BCKDK: variants seen among roughly 807,000 people sequenced by gnomAD.
BCKDK encodes branched chain keto acid dehydrogenase kinase.
A neutral mutation model predicts 43.9 loss-of-function variants in BCKDK; 28 were observed. That is an observed-to-expected ratio of 0.64 (90% CI 0.47 to 0.87). The LOEUF is 0.87. Ranked by LOEUF, BCKDK falls within the 40% of genes least tolerant of loss-of-function variation. BCKDK has a pLI of 0.00. For synonymous variants in BCKDK, 257 were observed against 234.3 expected (o/e 1.10, Z -0.88); for missense variants, 483 against 581.4 (o/e 0.83, Z 1.74).
chr16:31,113,340 G>C (rs931778045), downstream of BCKDK, among the ~76,000 whole-genome samples: 1 of 152,212 alleles, frequency 6.6e-6, no homozygotes, highest in African/African-American at 2.4e-5. Context: ...AATGGCAGGG[G>C]CTAGGAAACC....
Position 31,109,577 on chromosome 16 carries a change from C to G in BCKDK, c.262C>G (p.Leu88Val), listed in dbSNP as rs141938310. Residue 88 changes from leucine to valine, a missense_variant and splice_region_variant, in exon 3 of 12, where the codon CTG (leucine) becomes GTG (valine). Physicochemically the swap from Leu to Val is conservative, Grantham distance 32 (BLOSUM62 1). Coordinates refer to ENST00000219794, the MANE Select transcript of BCKDK (RefSeq NM_005881.4). This position sits in a 1 kb window ranked among gnomAD's most constrained non-coding sequence, Gnocchi z 5.3. ...CCGCTCTCAGGACGGCAGCCACCTT[C>G]TGGTAAGATTCACGCCCTCTATTTT... ...AGRSQDGSHL[L>V]KSARYLQQEL... The G allele has an allele frequency of 1.9e-6, 3 of 1,614,018 alleles. No individual in the cohort carries two copies. The East Asian group carries it at 6.7e-5, about 36-fold the overall frequency.
At position 31,110,063 on chromosome 16, in the gene BCKDK, C is replaced by T. The variant is rs1261395394; in HGVS notation, c.376-14C>T. Reference sequence around the variant, plus strand: ...CCATGCGGCTTTGTGAATTCCCACACCTCTTCCTTGCAGCATGAGCTATAT... The same window carrying T: ...CCATGCGGCTTTGTGAATTCCCACATCTCTTCCTTGCAGCATGAGCTATAT... On this transcript the variant is annotated splice_polypyrimidine_tract_variant and intron_variant, in intron 4 of 11. Coordinates refer to ENST00000219794, the MANE Select transcript of BCKDK (RefSeq NM_005881.4). This position sits in a 1 kb window ranked among gnomAD's most constrained non-coding sequence, Gnocchi z 5.4. 1 of 1,614,162 alleles carries T rather than the reference C, an allele frequency of 6.2e-7. No individual in the cohort carries two copies. The highest frequency in any genetic ancestry group is 8.5e-7 in the Non-Finnish European group (1 of 1,180,032).
At chr16:31,116,114 C>T (rs925208600), downstream of BCKDK, among the ~76,000 whole-genome samples, 9 of 149,684 alleles carry the variant, frequency 6.0e-5, no homozygotes, top group African/African-American at 2.2e-4. Flanking sequence ...GACGGAGTTT[C>T]ATCGTGTTAG....
In BCKDK at chr16:31,108,717, C is replaced by G. The variant is rs1015334617; in HGVS notation, c.-178+238C>G. The G allele has an allele frequency of 3.9e-5, 6 of 152,292 alleles. No individual in the cohort carries two copies. The highest frequency in any genetic ancestry group is 1.4e-4 in the African/African-American group (6 of 41,450). The allele number at this position is 152,292 out of a possible 1,614,324, so 9.4% of individuals were successfully genotyped here. A position where few individuals can be genotyped will look rare whatever the true frequency, so the allele number is the denominator to read the frequency against. ...GTTCGCTGGCCGCGCTCCCAGGGCC[C>G]GGGTTTGAAGGCGCTGGGCAGGCAG... On this transcript the variant is annotated intron_variant, in intron 1 of 11. Transcript: ENST00000219794. This position sits in a 1 kb window ranked among gnomAD's most constrained non-coding sequence, Gnocchi z 6.2.
chr16:31,115,222 C>CTTT (rs56055700), downstream of BCKDK, among the ~76,000 whole-genome samples: 1 of 129,016 alleles, frequency 7.8e-6, no homozygotes, highest in Admixed American at 8.1e-5. Flanking sequence ...CGCGCCCAGT[C>CTTT]TTTTTTTTTT....
chr16:31,112,191 C>T lies in BCKDK; in HGVS notation c.1165C>T (p.Leu389=), dbSNP rs543643875. ...CGGTGGGTCTCTGCAGCTGCAGTCCCTGCAGGGCATTGGCACGGACGTCTA... is the reference window on the plus strand; with the variant it reads ...CGGTGGGTCTCTGCAGCTGCAGTCCTTGCAGGGCATTGGCACGGACGTCTA... ...YLGGSLQLQS[L]QGIGTDVYLR... Residue 389 remains leucine (L), a synonymous_variant, in exon 12 of 12, where the codon CTG becomes TTG. Transcript: ENST00000219794. The surrounding 1 kb of genome is among the most constrained non-coding windows in gnomAD (Gnocchi z 5.0). The T allele has an allele frequency of 5.0e-6, 8 of 1,613,120 alleles. No individual in the cohort carries two copies. Among genetic ancestry groups the T allele is most frequent in the Middle Eastern group, 1.6e-4 (1 of 6,062 alleles).
chr16:31,109,819 C>T lies in BCKDK; in HGVS notation c.375+36C>T. On this transcript the variant is annotated intron_variant, in intron 4 of 11. Coordinates refer to ENST00000219794, the MANE Select transcript of BCKDK (RefSeq NM_005881.4). This position sits in a 1 kb window ranked among gnomAD's most constrained non-coding sequence, Gnocchi z 5.3. The stretch of plus-strand genomic sequence containing the variant: ...GAGGACCTTAGGTCAGCGGGCCACC[C>T]TGCCCCGGGGGCAAGTGGGGAGTCT... The T allele has an allele frequency of 1.2e-6, 2 of 1,601,080 alleles. No individual in the cohort carries two copies. The highest frequency in any genetic ancestry group is 1.7e-6 in the Non-Finnish European group (2 of 1,169,040).
In BCKDK at chr16:31,110,131, G is replaced by A. The variant is rs2143940264; in HGVS notation, c.423+7G>A. 1.9e-6 allele frequency: 3 copies of A among 1,614,214 alleles called. No homozygotes were observed. Among genetic ancestry groups the A allele is most frequent in the Non-Finnish European group, 1.7e-6 (2 of 1,180,030 alleles). ...GCTGACAGACTTCCCTCCGGTGAGT[G>A]CTGGGCCAGAGCAGGGTGAGGGGCT... On this transcript the variant is annotated splice_region_variant and intron_variant, in intron 5 of 11. Coordinates refer to ENST00000219794, the MANE Select transcript of BCKDK (RefSeq NM_005881.4). This position sits in a 1 kb window ranked among gnomAD's most constrained non-coding sequence, Gnocchi z 5.4.
rs1329545341 is a variant in BCKDK, at chr16:31,110,670, C to T, written c.643-18C>T. 6 of 1,613,840 alleles carry T rather than the reference C, an allele frequency of 3.7e-6. No homozygotes were observed. In the Admixed American group the frequency reaches 5.0e-5, roughly 13 times the overall value. On this transcript the variant is annotated intron_variant, in intron 7 of 11. Transcript: ENST00000219794. This position sits in a 1 kb window ranked among gnomAD's most constrained non-coding sequence, Gnocchi z 5.4. Reference sequence around the variant, plus strand: ...GGGCTAGGGGCGTGGGTAGTCCTGACCTCCTTTCTCCGGCCAGCCTGACTT... The same window carrying T: ...GGGCTAGGGGCGTGGGTAGTCCTGATCTCCTTTCTCCGGCCAGCCTGACTT...
Position 31,109,655 on chromosome 16 carries a change from C to A in BCKDK, c.265-18C>A. 2 of 1,613,956 alleles carry A rather than the reference C, an allele frequency of 1.2e-6. No homozygotes were observed. Among genetic ancestry groups the A allele is most frequent in the South Asian group, 2.2e-5 (2 of 91,090 alleles). On this transcript the variant is annotated intron_variant, in intron 3 of 11. Coordinates refer to ENST00000219794, the MANE Select transcript of BCKDK (RefSeq NM_005881.4). The surrounding 1 kb of genome is among the most constrained non-coding windows in gnomAD (Gnocchi z 5.3). ...CACTCAGGCTCCAGCCCCGCCTTCC[C>A]TTCTCATTTTCTCCCAGAAAAGTGC...
Position 31,111,852 on chromosome 16 carries a change from T to G in BCKDK, c.936-17T>G. ...ATCAAAGCTGAGCCAAGCCCATTGTTGTTGCCATCTTGCTAGGATCTCAGA... is the reference window on the plus strand; with the variant it reads ...ATCAAAGCTGAGCCAAGCCCATTGTGGTTGCCATCTTGCTAGGATCTCAGA... On this transcript the variant is annotated splice_polypyrimidine_tract_variant and intron_variant, in intron 10 of 11. Coordinates refer to ENST00000219794, the MANE Select transcript of BCKDK (RefSeq NM_005881.4). The G allele has an allele frequency of 6.2e-7, 1 of 1,613,838 alleles. No individual in the cohort carries two copies. The highest frequency in any genetic ancestry group is 1.3e-5 in the African/African-American group (1 of 75,030).
chr16:31,111,747 G>T (rs989629280), intron 10 of BCKDK, 122 bp from the exon 11 acceptor site: 426 of 1,348,902 alleles, frequency 3.2e-4, no homozygotes, highest in Middle Eastern at 1.9e-3. Flanking sequence ...AAGGGTCTAG[G>T]TGGACCACAT....
Position 31,109,138 on chromosome 16 carries a change from C to A in BCKDK, c.-86C>A. 1 of 1,279,410 alleles carries A rather than the reference C, an allele frequency of 7.8e-7. No homozygotes were observed. Among genetic ancestry groups the A allele is most frequent in the Non-Finnish European group, 1.0e-6 (1 of 967,936 alleles). 79.3% of individuals were successfully genotyped at this position (1,279,410 alleles called of 1,614,324 possible). A position where few individuals can be genotyped will look rare whatever the true frequency, so the allele number is the denominator to read the frequency against. On this transcript the variant is annotated 5_prime_UTR_variant, in exon 2 of 12. Coordinates refer to ENST00000219794, the MANE Select transcript of BCKDK (RefSeq NM_005881.4). This position sits in a 1 kb window ranked among gnomAD's most constrained non-coding sequence, Gnocchi z 5.3. ...AGAAGAGCCCCTACCCACCCACACC[C>A]CCTTGCCCCATTTTGGGTCGCCTGG...
Position 31,110,486 on chromosome 16 carries a change from T to C in BCKDK, c.629T>C (p.Leu210Pro), listed in dbSNP as rs1471518138. The C allele has an allele frequency of 6.2e-7, 1 of 1,613,760 alleles. No individual in the cohort carries two copies. The highest frequency in any genetic ancestry group is 2.2e-5 in the East Asian group (1 of 44,880). ...IRMLATHHLALHEDKPDFVGI... is the reference protein window; with the variant it reads ...IRMLATHHLAPHEDKPDFVGI... ...ATGTTGGCCACGCATCACCTGGCGC[T>C]GCATGAGGACAAGGTGGGGCTCTGG... The change falls in exon 7 of 12, where the codon CTG becomes CCG. Residue 210 changes from leucine to proline, a missense_variant. Coordinates refer to ENST00000219794, the MANE Select transcript of BCKDK (RefSeq NM_005881.4). The surrounding 1 kb of genome is among the most constrained non-coding windows in gnomAD (Gnocchi z 5.4).
In BCKDK at chr16:31,110,392, T is replaced by C. The variant is rs777877602; in HGVS notation, c.544-9T>C. 6.2e-7 allele frequency: 1 copy of C among 1,613,984 alleles called. No homozygotes were observed. Among genetic ancestry groups the C allele is most frequent in the Admixed American group, 1.7e-5 (1 of 60,004 alleles). On this transcript the variant is annotated splice_polypyrimidine_tract_variant and intron_variant, in intron 6 of 11. Transcript: ENST00000219794. The surrounding 1 kb of genome is among the most constrained non-coding windows in gnomAD (Gnocchi z 5.4). ...AGGGCACGGGATTCTGAGACCTCAC[T>C]CTTTACAGGATGAAAAGCTCGTCCG...
Position 31,109,960 on chromosome 16 carries a change from G to GT in BCKDK, c.376-117_376-116insT. 6 of 1,475,214 alleles carry GT rather than the reference G, an allele frequency of 4.1e-6. No homozygotes were observed. The highest frequency in any genetic ancestry group is 5.7e-6 in the Non-Finnish European group (6 of 1,056,698). 91.4% of individuals were successfully genotyped at this position (1,475,214 alleles called of 1,614,324 possible). A position where few individuals can be genotyped will look rare whatever the true frequency, so the allele number is the denominator to read the frequency against. On this transcript the variant is annotated intron_variant, in intron 4 of 11. Coordinates refer to ENST00000219794, the MANE Select transcript of BCKDK (RefSeq NM_005881.4). The surrounding 1 kb of genome is among the most constrained non-coding windows in gnomAD (Gnocchi z 5.3). ...TCACGGAGCCTGGAAGGGTCGAAGT[G>GT]GGGGTTTGATCACGTGGTCGACCAG...
Position 31,110,678 on chromosome 16 carries a change from C to A in BCKDK, c.643-10C>A. The A allele has an allele frequency of 1.2e-6, 2 of 1,614,044 alleles. No homozygotes were observed. The highest frequency in any genetic ancestry group is 1.7e-6 in the Non-Finnish European group (2 of 1,179,950). The stretch of plus-strand genomic sequence containing the variant: ...GGCGTGGGTAGTCCTGACCTCCTTT[C>A]TCCGGCCAGCCTGACTTTGTCGGCA... On this transcript the variant is annotated splice_polypyrimidine_tract_variant and intron_variant, in intron 7 of 11. Coordinates refer to ENST00000219794, the MANE Select transcript of BCKDK (RefSeq NM_005881.4). This position sits in a 1 kb window ranked among gnomAD's most constrained non-coding sequence, Gnocchi z 5.4.
chr16:31,111,709 A>T (rs2057413628), intron 10 of BCKDK, among the ~76,000 whole-genome samples, 160 bp from the exon 11 acceptor site: 1 of 152,058 alleles, frequency 6.6e-6, no homozygotes, highest in Admixed American at 6.6e-5. Flanking sequence ...TGGCCCTGGC[A>T]GGGGTGAGGA....
chr16:31,112,160 G>GT lies in BCKDK; in HGVS notation c.1135dup (p.Tyr379LeufsTer134). On this transcript the variant is annotated frameshift_variant, in exon 12 of 12. Transcript: ENST00000219794. LOFTEE classifies it high-confidence loss of function. This position sits in a 1 kb window ranked among gnomAD's most constrained non-coding sequence, Gnocchi z 5.0. The stretch of plus-strand genomic sequence containing the variant: ...TGCCCACGTCACGGGCCTACGCGGA[G>GT]TACCTCGGTGGGTCTCTGCAGCTGC... 6.2e-7 allele frequency: 1 copy of GT among 1,613,624 alleles called. No individual in the cohort carries two copies. The highest frequency in any genetic ancestry group is 8.5e-7 in the Non-Finnish European group (1 of 1,179,994).
Sources: gnomAD v4.1 joint callset for allele counts (sites outside exome capture counted in the v4.1 genomes callset) on GRCh38, gnomAD v4.1.1 for gene constraint, Gnocchi (gnomAD v3.1) non-coding constraint, MANE v1.5 for transcripts, NCBI Gene and HGNC (gene_info 2026-07-23, HGNC 2026-07-21) for gene names.